Variants in NAV3 observed in about 807,000 individuals in gnomAD.
NAV3 encodes the protein neuron navigator 3.
Under a neutral mutation model 244.7 loss-of-function variants are expected in NAV3, and 87 were observed. The ratio of observed to expected loss-of-function variants is 0.36; its 90% CI spans 0.30 to 0.42. The LOEUF (loss-of-function observed/expected upper bound fraction) is 0.42. Ranked by LOEUF, NAV3 falls within the 20% of genes least tolerant of loss-of-function variation. NAV3 has a pLI of 1.00. For missense variants in NAV3, 2,663 were observed against 2,893.3 expected, an observed-to-expected ratio of 0.92 and a Z score of 1.83; for synonymous variants, 1,126 against 1,042.2, an observed-to-expected ratio of 1.08 and a Z score of -1.55.
At chr12:78,128,128 C>T (rs2045580) in intron 17 of NAV3, among the ~76,000 whole-genome samples, 11,434 of 151,998 alleles carry the variant, frequency 0.075, 495 homozygotes, top group South Asian at 0.14. Context: ...TCAGCAATAG[C>T]AAATAGCTGG....
chr12:77,834,106 G>C (rs1592732620), intron 1 of NAV3, among the ~76,000 whole-genome samples: 2 of 152,116 alleles, frequency 1.3e-5, no homozygotes, highest in African/African-American at 4.8e-5. Context: ...ATGGGGAGGT[G>C]GTGGGCCAGG....
intron 12 of NAV3, among the ~76,000 whole-genome samples, chr12:78,096,829 T>A (rs1051878814): frequency 6.6e-6 from 1 of 152,166 alleles, no homozygotes; most frequent in Non-Finnish European, 1.5e-5. Flanking sequence ...ATCCATTCTG[T>A]TGAGGTTCTG....
intron 2 of NAV3, among the ~76,000 whole-genome samples, chr12:77,766,339 G>T (rs538027601): frequency 2.6e-4 from 40 of 152,190 alleles, no homozygotes; most frequent in Admixed American, 8.5e-4. Flanking sequence ...CCTCTCAAAG[G>T]AAAACTTAAC....
At chr12:78,140,647 G>T (rs995926461) in intron 20 of NAV3, among the ~76,000 whole-genome samples, 8 of 152,226 alleles carry the variant, frequency 5.3e-5, no homozygotes, top group Admixed American at 2.6e-4. Flanking sequence ...TATGTAGTCT[G>T]CTATACTATC....
chr12:77,825,861 TGGGCAAGA>T, intron 2 of NAV3, among the ~76,000 whole-genome samples: 1 of 152,222 alleles, frequency 6.6e-6, no homozygotes, highest in Non-Finnish European at 1.5e-5. Context: ...AAACAAAAAG[TGGGCAAGA>T]GTTTTTGACA....
At position 78,137,232 on chromosome 12, in the gene NAV3, A is replaced by C; in HGVS notation, c.4497A>C (p.Ser1499=). 2 of 1,613,668 alleles carry C rather than the reference A, an allele frequency of 1.2e-6. No individual in the cohort carries two copies. Among genetic ancestry groups the C allele is most frequent in the Non-Finnish European group, 1.7e-6 (2 of 1,179,716 alleles). The stretch of plus-strand genomic sequence containing the variant: ...TTCCCGGGCCCAGCATGATGCGCTC[A>C]AACAGCATCCCAGCCCAAGACTCTT... The part of the protein sequence containing the change: ...FNLPGPSMMR[S]NSIPAQDSSF... Residue 1499 remains serine, a synonymous_variant, in exon 19 of 40, where the codon TCA becomes TCC. Transcript: ENST00000397909.
chr12:77,994,271 A>AG (rs1287919702), intron 5 of NAV3, among the ~76,000 whole-genome samples: 1 of 152,256 alleles, frequency 6.6e-6, no homozygotes, highest in Non-Finnish European at 1.5e-5. Flanking sequence ...ATTTAGTACT[A>AG]GAGATCAGCA....
chr12:78,076,021 T>C (rs1234874348), intron 12 of NAV3, among the ~76,000 whole-genome samples: 1 of 152,170 alleles, frequency 6.6e-6, no homozygotes, highest in Non-Finnish European at 1.5e-5. Flanking sequence ...ACTTACCTCT[T>C]AACATGCTTA....
intron 2 of NAV3, among the ~76,000 whole-genome samples, chr12:77,702,372 A>T (rs1324104365): frequency 6.6e-6 from 1 of 151,966 alleles, no homozygotes; most frequent in Non-Finnish European, 1.5e-5. Flanking sequence ...CGCAGAGGAT[A>T]TAGTTGGGTG....
intron 2 of NAV3, among the ~76,000 whole-genome samples, chr12:77,654,309 A>G (rs1872971703): frequency 6.6e-6 from 1 of 152,240 alleles, no homozygotes; most frequent in East Asian, 1.9e-4. Context: ...TATATCCTGC[A>G]CCTGGCTCGG....
chr12:77,665,981 G>A (rs1490759624), intron 2 of NAV3, among the ~76,000 whole-genome samples: 1 of 151,996 alleles, frequency 6.6e-6, no homozygotes, highest in Admixed American at 6.6e-5. Flanking sequence ...CTAGTGCCTA[G>A]GATAAACTCT....
intron 13 of NAV3, among the ~76,000 whole-genome samples, chr12:78,117,248 TGGTATA>T (rs1165052078): frequency 1.3e-3 from 184 of 141,116 alleles, no homozygotes; most frequent in Non-Finnish European, 2.4e-3. Flanking sequence ...TATAGCCTGG[TGGTATA>T]GTTATCTATA....
intron 7 of NAV3, among the ~76,000 whole-genome samples, chr12:78,006,163 T>C (rs1035496609): frequency 6.6e-5 from 10 of 152,082 alleles, no homozygotes; most frequent in South Asian, 4.2e-4. Flanking sequence ...TTTATTTGGG[T>C]AAGAGTAATT....
intron 12 of NAV3, among the ~76,000 whole-genome samples, chr12:78,097,305 A>G (rs1432607231): frequency 1.3e-5 from 2 of 152,136 alleles, no homozygotes; most frequent in Admixed American, 6.5e-5. Flanking sequence ...TTCTATATCC[A>G]TGCTTGCAAT....
chr12:78,006,656 G>A lies in NAV3; in HGVS notation c.1118G>A (p.Gly373Glu), dbSNP rs2136564447. The A allele has an allele frequency of 6.2e-7, 1 of 1,614,064 alleles. No individual in the cohort carries two copies. Among genetic ancestry groups the A allele is most frequent in the Non-Finnish European group, 8.5e-7 (1 of 1,180,020 alleles). ...AGACTGAAGCCACCTGTCTCAGAAG[G>A]GGTCAAAACTGCTCCCTCAGGACAG... Reference protein sequence around the residue: ...SDRLKPPVSEGVKTAPSGQKS... With the variant: ...SDRLKPPVSEEVKTAPSGQKS... Residue 373 changes from glycine (G) to glutamate (E), a missense_variant, in exon 8 of 40, where the codon GGG becomes GAG. Coordinates refer to ENST00000397909, the MANE Select transcript of NAV3 (RefSeq NM_001024383.2).
At chr12:77,777,113 C>T (rs1051168706) in intron 2 of NAV3, among the ~76,000 whole-genome samples, 2 of 152,118 alleles carry the variant, frequency 1.3e-5, no homozygotes, top group Non-Finnish European at 2.9e-5. Context: ...TCCAAGGCCC[C>T]TAGTGGAAAT....
At chr12:77,888,307 C>T (rs750890573) in intron 1 of NAV3, among the ~76,000 whole-genome samples, 3 of 151,920 alleles carry the variant, frequency 2.0e-5, no homozygotes, top group Non-Finnish European at 4.4e-5. Context: ...ACCCCCATCT[C>T]TACAAAGAAA....
intron 23 of NAV3, among the ~76,000 whole-genome samples, chr12:78,164,783 AC>A (rs1957710044): frequency 6.6e-6 from 1 of 151,998 alleles, no homozygotes; most frequent in African/African-American, 2.4e-5. Context: ...TGTGAGATTA[AC>A]TTAGTGCCAA....
intron 2 of NAV3, among the ~76,000 whole-genome samples, chr12:77,680,985 G>A (rs1220457030): frequency 6.6e-6 from 1 of 152,058 alleles, no homozygotes; most frequent in East Asian, 1.9e-4. Flanking sequence ...TGGGGGGAGG[G>A]GCGGAAGTCA....
Sources: gnomAD v4.1 joint callset for allele counts (sites outside exome capture counted in the v4.1 genomes callset) on GRCh38, gnomAD v4.1.1 for gene constraint, MANE v1.5 for transcripts, NCBI Gene and HGNC (gene_info 2026-07-23, HGNC 2026-07-21) for gene names.